ANKRD29: variants seen among roughly 807,000 people sequenced by gnomAD.
The protein encoded by ANKRD29 is ankyrin repeat domain-containing protein 29.
Under a neutral mutation model 38.0 loss-of-function variants are expected in ANKRD29, and 32 were observed. The ratio of observed to expected loss-of-function variants is 0.84; its 90% confidence interval spans 0.64 to 1.13. The LOEUF is 1.13. ANKRD29 is among the 50% of genes most tolerant of loss of function. ANKRD29 has a pLI of 0.00. For missense variants in ANKRD29, 357 were observed against 377.9 expected, an observed-to-expected ratio of 0.94 and a Z score of 0.46; for synonymous variants, 135 against 152.4, an observed-to-expected ratio of 0.89 and a Z score of 0.84.
chr18:23,603,478 C>A (rs991889612), intron 9 of ANKRD29, among the ~76,000 whole-genome samples: 3 of 152,188 alleles, frequency 2.0e-5, no homozygotes, highest in Admixed American at 6.5e-5. Context: ...ACTAAAAATA[C>A]AAAAATTAGC....
intron 4 of ANKRD29, among the ~76,000 whole-genome samples, chr18:23,635,305 A>G (rs1180249600): frequency 1.3e-5 from 2 of 152,134 alleles, no homozygotes; most frequent in African/African-American, 4.8e-5. Flanking sequence ...AAAAAAAAAA[A>G]AACCCAACTA....
chr18:23,616,831 G>C lies in ANKRD29; in HGVS notation c.723+901C>G, dbSNP rs572587549. Among the ~76,000 whole-genome samples, 76 of 147,800 alleles carry C rather than the reference G, an allele frequency of 5.1e-4. 1 individual carries two copies. Among genetic ancestry groups the C allele is most frequent in the African/African-American group, 1.7e-3 (70 of 40,502 alleles). On this transcript the variant is annotated intron_variant, in intron 8 of 9. Transcript: ENST00000592179. ...TATAATCAATAATATAATTATATTA[G>C]TAAACAGAAATACTAATATTTATTA... is the stretch of plus-strand genomic sequence containing the variant.
intron 8 of ANKRD29, among the ~76,000 whole-genome samples, chr18:23,616,631 T>C (rs2059726091): frequency 7.0e-6 from 1 of 142,638 alleles, no homozygotes; most frequent in African/African-American, 2.6e-5. Flanking sequence ...AGTAAATACA[T>C]TCTGTAGTAT....
chr18:23,617,879 C>T, intron 7 of ANKRD29, 52 bp from the exon 8 acceptor site: 2 of 1,490,194 alleles, frequency 1.3e-6, no homozygotes, highest in Non-Finnish European at 1.9e-6. Context: ...ATCTGTGTTG[C>T]TTGAAAGCAG....
At chr18:23,640,659 A>G (rs929356664) in intron 3 of ANKRD29, among the ~76,000 whole-genome samples, 2 of 152,194 alleles carry the variant, frequency 1.3e-5, no homozygotes, top group African/African-American at 4.8e-5. Flanking sequence ...CTTCCTATCT[A>G]CTTTTACAAG....
chr18:23,612,642 C>T (rs1279772038), intron 8 of ANKRD29, among the ~76,000 whole-genome samples: 2 of 152,184 alleles, frequency 1.3e-5, no homozygotes, highest in African/African-American at 4.8e-5. Flanking sequence ...CAGCTACAGA[C>T]ACTCTGAGCA....
In ANKRD29 at chr18:23,612,111, T is replaced by TCAGCCC. The variant is rs1171143453; in HGVS notation, c.802_803insGGGCTG (p.Gly266_Ala267dup). 6.2e-7 allele frequency: 1 copy of TCAGCCC among 1,613,566 alleles called. No homozygotes were observed. Among genetic ancestry groups the TCAGCCC allele is most frequent in the Admixed American group, 1.7e-5 (1 of 59,978 alleles). On this transcript the variant is annotated inframe_insertion, in exon 9 of 10. Coordinates refer to ENST00000592179, the MANE Select transcript of ANKRD29 (RefSeq NM_173505.4). ...GGGTACCTTGTTTCTCAGGGATGGG[T>TCAGCCC]CTGCCCCTGCTTCTAGGAGCAGCGC...
Position 23,619,577 on chromosome 18 carries a change from A to T in ANKRD29, c.581T>A (p.Val194Glu). The T allele has an allele frequency of 6.3e-7, 1 of 1,597,778 alleles. No homozygotes were observed. Among genetic ancestry groups the T allele is most frequent in the Non-Finnish European group, 8.5e-7 (1 of 1,179,118 alleles). ...GGCTCCGCGCAGCAGCATCACCCGC[A>T]CCACCTCGCTGTGGCCCATCTGGGA... ...IASQMGHSEV[V>E]RVMLLRGADR... The change falls in exon 7 of 10, where the codon GTG (valine) becomes GAG (glutamate). Residue 194 changes from valine to glutamate, a missense_variant. Physicochemically the swap from Val to Glu is moderately radical, Grantham distance 121. Coordinates refer to ENST00000592179, the MANE Select transcript of ANKRD29 (RefSeq NM_173505.4).
At chr18:23,625,026 G>A (rs994180387) in intron 6 of ANKRD29, among the ~76,000 whole-genome samples, 3 of 152,126 alleles carry the variant, frequency 2.0e-5, no homozygotes, top group Admixed American at 6.5e-5. Flanking sequence ...TTGCTTCTAC[G>A]ATTTCCAGCC....
intron 9 of ANKRD29, among the ~76,000 whole-genome samples, chr18:23,603,771 C>T (rs1431114244): frequency 6.6e-6 from 1 of 151,704 alleles, no homozygotes; most frequent in African/African-American, 2.4e-5. Flanking sequence ...GTTCACTTTG[C>T]AATTCAAACA....
At chr18:23,647,262 A>G (rs1034192890) in intron 2 of ANKRD29, 2 of 152,234 alleles carry the variant, frequency 1.3e-5, no homozygotes, top group African/African-American at 2.4e-5. Context: ...GGGAATAATA[A>G]AAGTATCCAC....
At chr18:23,624,600 C>T (rs2059839560) in intron 6 of ANKRD29, among the ~76,000 whole-genome samples, 1 of 147,608 alleles carries the variant, frequency 6.8e-6, no homozygotes, top group Admixed American at 6.8e-5. Context: ...GGATTTAGAC[C>T]AATTTTTCAG....
chr18:23,635,127 G>C (rs2059986034), intron 4 of ANKRD29, among the ~76,000 whole-genome samples: 1 of 152,010 alleles, frequency 6.6e-6, no homozygotes, highest in African/African-American at 2.4e-5. Context: ...AATTAGCCAG[G>C]GTGTGGTGGT....
chr18:23,619,656 C>T (rs1220478909), intron 6 of ANKRD29, 27 bp from the exon 7 acceptor site: 1 of 1,530,152 alleles, frequency 6.5e-7, no homozygotes, highest in African/African-American at 1.4e-5. Flanking sequence ...CGGCGGCCGC[C>T]GTGACTGGGG....
At chr18:23,616,683 T>C (rs1224483682) in intron 8 of ANKRD29, among the ~76,000 whole-genome samples, 4 of 145,196 alleles carry the variant, frequency 2.8e-5, no homozygotes, top group Non-Finnish European at 6.0e-5. Flanking sequence ...AAATATATCT[T>C]TACTGTAGTA....
chr18:23,631,476 G>A (rs1202657960), intron 5 of ANKRD29, among the ~76,000 whole-genome samples: 1 of 151,926 alleles, frequency 6.6e-6, no homozygotes, highest in African/African-American at 2.4e-5. Context: ...GAACTCTTGG[G>A]CTCAAGCGAT....
intron 5 of ANKRD29, among the ~76,000 whole-genome samples, chr18:23,631,665 G>A (rs371788822): frequency 6.6e-6 from 1 of 152,164 alleles, no homozygotes; most frequent in East Asian, 1.9e-4. Context: ...TGCCAGCCCA[G>A]CAGACACCAA....
chr18:23,617,181 C>A (rs1269456228), intron 8 of ANKRD29, among the ~76,000 whole-genome samples: 1 of 152,202 alleles, frequency 6.6e-6, no homozygotes, highest in Non-Finnish European at 1.5e-5. Context: ...CGTGCCATTG[C>A]ACTCCAGTCT....
At position 23,612,177 on chromosome 18, in the gene ANKRD29, G is replaced by A. The variant is rs780754967; in HGVS notation, c.737C>T (p.Ala246Val). Reference protein sequence around the residue: ...TLGILKNGTSALHAAVLSGNI... With the variant: ...TLGILKNGTSVLHAAVLSGNI... ...TCCACTGAGCACTGCTGCATGGAGC[G>A]CTGATGTCCCATTCTAAGAGAAAAT... is the stretch of plus-strand genomic sequence containing the variant. The change falls in exon 9 of 10, where the codon GCG (alanine) becomes GTG (valine). Residue 246 changes from alanine (A) to valine (V), a missense_variant. Ala to Val is a moderately conservative substitution (Grantham distance 64, BLOSUM62 0). Transcript: ENST00000592179. 14 of 1,613,468 alleles carry A rather than the reference G, an allele frequency of 8.7e-6. No homozygotes were observed. Among genetic ancestry groups the A allele is most frequent in the East Asian group, 4.5e-5 (2 of 44,876 alleles).
Sources: gnomAD v4.1 joint callset for allele counts (sites outside exome capture counted in the v4.1 genomes callset) on GRCh38, gnomAD v4.1.1 for gene constraint, MANE v1.5 for transcripts, NCBI Gene and HGNC (gene_info 2026-07-23, HGNC 2026-07-21) for gene names.